The following ALDH1L2 variants were observed in gnomAD, a reference collection of about 807,000 sequenced individuals.
ALDH1L2 encodes mitochondrial 10-formyltetrahydrofolate dehydrogenase.
In ALDH1L2, 91 loss-of-function variants were observed where a neutral mutation model predicts 111.0. The observed-to-expected ratio is 0.82, with a 90% CI of 0.69 to 0.98. ALDH1L2 has a LOEUF of 0.98. Among genes scored for constraint, ALDH1L2 ranks in the 50% least tolerant of loss-of-function variants. The pLI, the probability that ALDH1L2 is intolerant of heterozygous loss-of-function variation, is 0.00. For missense variants in ALDH1L2, 995 were observed against 1,126.8 expected (o/e 0.88, Z 1.67); for synonymous variants, 374 against 392.6 (o/e 0.95, Z 0.56).
chr12:105,073,922 C>G lies in ALDH1L2; in HGVS notation c.132G>C (p.Glu44Asp). 6.2e-7 allele frequency: 1 copy of G among 1,614,152 alleles called. No homozygotes were observed. Among genetic ancestry groups the G allele is most frequent in the South Asian group, 1.1e-5 (1 of 91,076 alleles). ...GQEVYSHLRK[E>D]GHRVVGVFTV... is the part of the protein sequence containing the mutation. The stretch of plus-strand genomic sequence containing the variant: ...TGAACACCCCTACTACTCGGTGGCC[C>G]TCTTTGCGGAGGTGGCTATAGACTT... Residue 44 changes from glutamate (E) to aspartate (D), a missense_variant, in exon 2 of 23, where the codon GAG (glutamate) becomes GAC (aspartate). Transcript: ENST00000258494.
At chr12:105,032,086 T>C (rs1796409814) in intron 19 of ALDH1L2, 152 bp from the exon 20 acceptor site, 1 of 799,492 alleles carries the variant, frequency 1.3e-6, no homozygotes, top group Non-Finnish European at 1.8e-6. Context: ...TTTTTTTTTT[T>C]TTTCCTTTTT....
chr12:105,034,186 A>G (rs952252824), intron 19 of ALDH1L2, 114 bp downstream of exon 19: 35 of 979,608 alleles, frequency 3.6e-5, no homozygotes, highest in Non-Finnish European at 4.9e-5. Flanking sequence ...TTTTTAAAAC[A>G]TAACCACAAT....
In ALDH1L2 at chr12:105,031,823, C is replaced by T; in HGVS notation, c.2356G>A (p.Gly786Arg). 1.2e-6 allele frequency: 2 copies of T among 1,614,228 alleles called. No homozygotes were observed. Among genetic ancestry groups the T allele is most frequent in the African/African-American group, 1.3e-5 (1 of 75,060 alleles). ...ACCAAAGTGGCCCCTTCTTTCACTC[C>T]AGTTTCACAGTATTGCAGCAGCTTT... ...LEKLLQYCET[G>R]VKEGATLVYG... The change falls in exon 20 of 23, where the codon GGA (glycine) becomes AGA (arginine). Residue 786 changes from glycine (G) to arginine (R), a missense_variant. Physicochemically the swap from Gly to Arg is moderately radical, Grantham distance 125. Coordinates refer to ENST00000258494, the MANE Select transcript of ALDH1L2 (RefSeq NM_001034173.4).
chr12:105,039,093 T>A (rs1267795287), intron 17 of ALDH1L2, among the ~76,000 whole-genome samples: 1 of 152,244 alleles, frequency 6.6e-6, no homozygotes, highest in Non-Finnish European at 1.5e-5. Context: ...CATTTTGATA[T>A]ACTACCTATT....
chr12:105,067,364 C>A (rs1354284053), intron 4 of ALDH1L2, among the ~76,000 whole-genome samples: 4 of 152,032 alleles, frequency 2.6e-5, no homozygotes, highest in Admixed American at 2.0e-4. Context: ...AAAATGACTC[C>A]CTTGTTTAAA....
intron 22 of ALDH1L2, 114 bp downstream of exon 22, chr12:105,026,431 T>A (rs1874412014): frequency 8.2e-7 from 1 of 1,223,586 alleles, no homozygotes; most frequent in African/African-American, 1.5e-5. Context: ...AACCCAGATA[T>A]AACTGCCATG....
chr12:105,075,411 C>G (rs1368198198), intron 1 of ALDH1L2, among the ~76,000 whole-genome samples: 2 of 152,140 alleles, frequency 1.3e-5, no homozygotes, highest in Non-Finnish European at 2.9e-5. Context: ...ATGGAGAAAC[C>G]CTGTCTCTAC....
chr12:105,028,651 T>C (rs1216305825), intron 21 of ALDH1L2, among the ~76,000 whole-genome samples: 1 of 152,372 alleles, frequency 6.6e-6, no homozygotes, highest in South Asian at 2.1e-4. Context: ...GCATTGCATA[T>C]GGTAGGGACC....
At chr12:105,031,184 C>G (rs1421800787) in intron 20 of ALDH1L2, among the ~76,000 whole-genome samples, 2 of 152,230 alleles carry the variant, frequency 1.3e-5, no homozygotes, top group African/African-American at 2.4e-5. Flanking sequence ...TCACAACCAT[C>G]TTTAAGTGTA....
At chr12:105,063,867 A>G (rs1395422479) in intron 6 of ALDH1L2, among the ~76,000 whole-genome samples, 2 of 152,198 alleles carry the variant, frequency 1.3e-5, no homozygotes, top group East Asian at 1.9e-4. Context: ...ATGATCAGCT[A>G]TCATTTATGG....
rs1874818816 is a variant in ALDH1L2 at position 105,033,535 on chromosome 12, G to C, written c.2244+765C>G. On this transcript the variant is annotated intron_variant, in intron 19 of 22. Transcript: ENST00000258494. Reference sequence around the variant, plus strand: ...ATACCTTTGGTTTTTTTGGTGGGTTGGGGTGTGGAGAATTGGCTCTGGGGA... The same window carrying C: ...ATACCTTTGGTTTTTTTGGTGGGTTCGGGTGTGGAGAATTGGCTCTGGGGA... Among the ~76,000 whole-genome samples, 3 of 152,136 alleles carry C rather than the reference G, an allele frequency of 2.0e-5. No homozygotes were observed. In the South Asian group the frequency reaches 6.2e-4, roughly 31 times the overall value.
intron 13 of ALDH1L2, chr12:105,048,537 G>C (rs972452841): frequency 6.6e-6 from 1 of 152,088 alleles, no homozygotes; most frequent in East Asian, 1.9e-4. Flanking sequence ...GCAATGACTG[G>C]TACTGCAGTG....
intron 7 of ALDH1L2, 51 bp downstream of exon 7, chr12:105,062,837 A>G: frequency 1.3e-6 from 2 of 1,578,276 alleles, no homozygotes; most frequent in Non-Finnish European, 1.7e-6. Flanking sequence ...AGCTTGGGTT[A>G]TAGAAGAAAA....
intron 1 of ALDH1L2, among the ~76,000 whole-genome samples, chr12:105,082,775 CCAAA>C (rs1206528768): frequency 6.6e-6 from 1 of 152,170 alleles, no homozygotes; most frequent in African/African-American, 2.4e-5. Context: ...TATAAAACTG[CCAAA>C]CAGTTTTCCA....
chr12:105,029,025 T>TTTTC (rs1482763046), intron 21 of ALDH1L2, among the ~76,000 whole-genome samples: 1 of 28,336 alleles, frequency 3.5e-5, no homozygotes, highest in East Asian at 6.4e-3. Context: ...TCTGCTTAAA[T>TTTTC]TTTTTTTTTT....
intron 18 of ALDH1L2, among the ~76,000 whole-genome samples, chr12:105,035,863 GTGTA>G (rs1204008559): frequency 3.8e-5 from 5 of 130,062 alleles, no homozygotes; most frequent in East Asian, 2.7e-4. Context: ...GTGTGTGTGT[GTGTA>G]TACACACACA....
In ALDH1L2 at chr12:105,024,345, T is replaced by G. The variant is rs1296212993; in HGVS notation, c.*79A>C. The G allele has an allele frequency of 6.4e-7, 1 of 1,558,998 alleles. No individual in the cohort carries two copies. Among genetic ancestry groups the G allele is most frequent in the Admixed American group, 1.7e-5 (1 of 59,364 alleles). ...TGGTTTGTGGCTGACACCTCCTGCC[T>G]CAACACACCCAATCTTCTTAAGTGT... On this transcript the variant is annotated 3_prime_UTR_variant, in exon 23 of 23. Coordinates refer to ENST00000258494, the MANE Select transcript of ALDH1L2 (RefSeq NM_001034173.4).
chr12:105,048,471 T>G (rs1030618087), intron 13 of ALDH1L2: 1 of 152,180 alleles, frequency 6.6e-6, no homozygotes, highest in African/African-American at 2.4e-5. Flanking sequence ...TTTGTTAAAT[T>G]CCTCTTACCA....
chr12:105,053,732 T>C (rs887642568), intron 10 of ALDH1L2, among the ~76,000 whole-genome samples: 4 of 152,170 alleles, frequency 2.6e-5, no homozygotes, highest in African/African-American at 9.7e-5. Context: ...TGGGAATTGA[T>C]GTGTTCAGTG....
Sources: gnomAD v4.1 joint callset for allele counts (sites outside exome capture counted in the v4.1 genomes callset) on GRCh38, gnomAD v4.1.1 for gene constraint, MANE v1.5 for transcripts, NCBI Gene and HGNC (gene_info 2026-07-23, HGNC 2026-07-21) for gene names.